SART3: variants seen among roughly 807,000 people sequenced by gnomAD.
SART3 encodes spliceosome associated factor 3, U4/U6 recycling protein.
In SART3, 44 loss-of-function variants were observed where a neutral mutation model predicts 122.3. That is an observed-to-expected ratio of 0.36 (90% CI 0.28 to 0.46). The LOEUF is 0.46. Among genes scored for constraint, SART3 ranks in the 20% least tolerant of loss-of-function variants. The pLI is 1.00. For synonymous variants in SART3, 442 were observed against 454.0 expected (o/e 0.97, Z 0.34); for missense variants, 1,101 against 1,229.0 (o/e 0.90, Z 1.56).
Position 108,551,097 on chromosome 12 carries a change from T to C in SART3, c.313-1883A>G, listed in dbSNP as rs907488781. ...CTATATGGTGAGTACAAGAAATTCA[T>C]TTCAAATTCAAAGACACAGGTAAAC... is the stretch of plus-strand genomic sequence containing the variant. On this transcript the variant is annotated intron_variant, in intron 1 of 18. Transcript: ENST00000546815. Among the ~76,000 whole-genome samples the C allele has an allele frequency of 3.9e-5, 6 of 152,166 alleles. 1 individual carries two copies. Among genetic ancestry groups the C allele is most frequent in the Non-Finnish European group, 8.8e-5 (6 of 68,026 alleles).
At chr12:108,535,750 T>C (rs1404878244) in intron 11 of SART3, among the ~76,000 whole-genome samples, 1 of 150,434 alleles carries the variant, frequency 6.6e-6, no homozygotes, top group African/African-American at 2.4e-5. Flanking sequence ...TTTTTATTTT[T>C]ATCAAGCTTA....
At chr12:108,535,626 G>C in intron 11 of SART3, 158 bp from the exon 12 acceptor site, 1 of 701,130 alleles carries the variant, frequency 1.4e-6, no homozygotes, top group Non-Finnish European at 2.6e-6. Flanking sequence ...AGTGGTAAAC[G>C]ACCCAGCCCA....
chr12:108,532,304 C>G lies in SART3; in HGVS notation c.1587G>C (p.Lys529Asn). The change falls in exon 13 of 19, where the codon AAG (lysine) becomes AAC (asparagine). Residue 529 changes from lysine to asparagine, a missense_variant. Lys to Asn is a moderately conservative substitution (Grantham distance 94). Coordinates refer to ENST00000546815, the MANE Select transcript of SART3 (RefSeq NM_014706.4). ...RAHGDTQHCR[K>N]ALHRAVQCTS... ...TGCACTGGACGGCCCGGTGCAGAGC[C>G]TTCCGGCAGTGCTGGGTGTCACCAT... The G allele has an allele frequency of 1.2e-6, 2 of 1,614,104 alleles. No individual in the cohort carries two copies. The highest frequency in any genetic ancestry group is 1.7e-6 in the Non-Finnish European group (2 of 1,180,008).
rs147699663 is a variant in SART3, at chr12:108,542,886, T to G, written c.906+142A>C. On this transcript the variant is annotated intron_variant, in intron 6 of 18. Transcript: ENST00000546815. Reference sequence around the variant, plus strand: ...AGGTACATGGATGTTCACTTTATTATTAGTATGTAAACTGTACGTATACAT... The same window carrying G: ...AGGTACATGGATGTTCACTTTATTAGTAGTATGTAAACTGTACGTATACAT... 204 of 1,139,056 alleles carry G rather than the reference T, an allele frequency of 1.8e-4. 1 individual carries two copies. Among genetic ancestry groups the G allele is most frequent in the East Asian group, 1.1e-3 (41 of 38,796 alleles). The allele number at this position is 1,139,056 out of a possible 1,614,324, so 70.6% of individuals were successfully genotyped here.
At position 108,560,988 on chromosome 12, in the gene SART3, T is replaced by C; in HGVS notation, c.167A>G (p.Asp56Gly). The C allele has an allele frequency of 1.9e-6, 3 of 1,614,150 alleles. No homozygotes were observed. In the South Asian group the frequency reaches 3.3e-5, roughly 18 times the overall value. Residue 56 changes from aspartate (D) to glycine (G), a missense_variant, in exon 1 of 19, where the codon GAT (aspartate) becomes GGT (glycine). Around this residue, in one of 2 missense-constraint regions of SART3, gnomAD observed 216 missense variants for 148.9 expected, o/e 1.45. Transcript: ENST00000546815. ...ATYKTMGPAW[D>G]QQEEGVSESD... Reference sequence around the variant, plus strand: ...CTCGCTCACGCCTTCCTCCTGCTGATCCCACGCTGGCCCCATGGTCTTGTA... The same window carrying C: ...CTCGCTCACGCCTTCCTCCTGCTGACCCCACGCTGGCCCCATGGTCTTGTA...
At chr12:108,537,683 C>T in intron 8 of SART3, 88 bp from the exon 9 acceptor site, 1 of 972,784 alleles carries the variant, frequency 1.0e-6, no homozygotes, top group Non-Finnish European at 1.6e-6. Context: ...TAAAACACTA[C>T]ATGACTTTAA....
chr12:108,526,176 T>C lies in SART3; in HGVS notation c.2293A>G (p.Met765Val). The stretch of plus-strand genomic sequence containing the variant: ...CTCCCTTCTACACTTTTCCGGTCCA[T>C]CTCCAGTGCCTGAAGGGCTGATTTC... Reference protein sequence around the residue: ...EEKSALQALEMDRKSVEGRPM... With the variant: ...EEKSALQALEVDRKSVEGRPM... The change falls in exon 16 of 19, where the codon ATG becomes GTG. Residue 765 changes from methionine (M) to valine (V), a missense_variant. By Grantham distance (21) the Met-to-Val change is conservative. Around this residue, in one of 2 missense-constraint regions of SART3, gnomAD observed 885 missense variants for 1,080.1 expected, o/e 0.82. Transcript: ENST00000546815. 1 of 1,614,220 alleles carries C rather than the reference T, an allele frequency of 6.2e-7. No individual in the cohort carries two copies. Among genetic ancestry groups the C allele is most frequent in the Non-Finnish European group, 8.5e-7 (1 of 1,180,030 alleles).
intron 14 of SART3, 116 bp from the exon 15 acceptor site, chr12:108,530,426 G>A (rs1872624774): frequency 2.5e-6 from 3 of 1,202,556 alleles, no homozygotes; most frequent in South Asian, 2.5e-5. Context: ...GCAGAGATCA[G>A]GAGAAAAACG....
chr12:108,537,185 C>T (rs1872947827), intron 9 of SART3: 2 of 434,654 alleles, frequency 4.6e-6, no homozygotes, highest in Non-Finnish European at 8.5e-6. Flanking sequence ...AAAGATTTTT[C>T]TAAAACACAG....
In SART3 at chr12:108,538,137, A is replaced by C. The variant is rs775620148; in HGVS notation, c.1129T>G (p.Trp377Gly). Residue 377 changes from tryptophan (W) to glycine (G), a missense_variant, in exon 8 of 19, where the codon TGG becomes GGG. Transcript: ENST00000546815. ...VHNRAIRNCPWTVALWSRYLL... is the reference protein window; with the variant it reads ...VHNRAIRNCPGTVALWSRYLL... ...TACCGACTCCATAAGGCAACTGTCC[A>C]GGGGCAGTTTCTAATAGCGCGGTTA... 1.1e-5 allele frequency: 18 copies of C among 1,614,172 alleles called. No individual in the cohort carries two copies. Among genetic ancestry groups the C allele is most frequent in the Non-Finnish European group, 1.5e-5 (18 of 1,179,978 alleles).
intron 17 of SART3, among the ~76,000 whole-genome samples, chr12:108,525,198 A>G (rs1872315350): frequency 6.6e-6 from 1 of 152,256 alleles, no homozygotes; most frequent in Admixed American, 6.5e-5. Flanking sequence ...CAAGCCCCAC[A>G]GCCAGGGGCC....
Position 108,526,166 on chromosome 12 carries a change from T to C in SART3, c.2303A>G (p.Lys768Arg), listed in dbSNP as rs761779463. ...SALQALEMDR[K>R]SVEGRPMFVS... The stretch of plus-strand genomic sequence containing the variant: ...AAACATTGGCCTCCCTTCTACACTT[T>C]TCCGGTCCATCTCCAGTGCCTGAAG... The change falls in exon 16 of 19, where the codon AAA becomes AGA. Residue 768 changes from lysine to arginine, a missense_variant. Lys to Arg is a conservative substitution (Grantham distance 26). Transcript: ENST00000546815. The C allele has an allele frequency of 1.9e-6, 3 of 1,614,242 alleles. No individual in the cohort carries two copies. Among genetic ancestry groups the C allele is most frequent in the Non-Finnish European group, 2.5e-6 (3 of 1,180,034 alleles).
intron 1 of SART3, among the ~76,000 whole-genome samples, chr12:108,556,205 C>T (rs2030214593): frequency 6.6e-6 from 1 of 152,134 alleles, no homozygotes; most frequent in African/African-American, 2.4e-5. Flanking sequence ...GATCCTCCCG[C>T]CTCAGCCTCT....
At chr12:108,550,741 T>C (rs1362758221) in intron 1 of SART3, among the ~76,000 whole-genome samples, 2 of 152,262 alleles carry the variant, frequency 1.3e-5, no homozygotes, top group East Asian at 3.9e-4. Context: ...CACATGCCTG[T>C]AGTCCAGCTA....
intron 1 of SART3, among the ~76,000 whole-genome samples, chr12:108,551,281 T>TA (rs564751859): frequency 4.5e-4 from 69 of 152,302 alleles, no homozygotes; most frequent in African/African-American, 1.6e-3. Context: ...TAGATCAATC[T>TA]ACCAGGAAGA....
At chr12:108,555,343 C>A (rs2030171131) in intron 1 of SART3, among the ~76,000 whole-genome samples, 1 of 152,148 alleles carries the variant, frequency 6.6e-6, no homozygotes, top group African/African-American at 2.4e-5. Context: ...ACCTCTATGG[C>A]AAAATGTTTT....
At position 108,548,319 on chromosome 12, in the gene SART3, C is replaced by T. The variant is rs147417762; in HGVS notation, c.440-328G>A. 2.6e-4 allele frequency among the ~76,000 whole-genome samples: 39 copies of T among 152,326 alleles called. 1 individual carries two copies. In the East Asian group the frequency reaches 7.5e-3, roughly 29 times the overall value. ...ACATCTATCTAAGGATGACAACATG[C>T]CAGGCATGTGTTAAGTGTTATACGT... is the stretch of plus-strand genomic sequence containing the variant. On this transcript the variant is annotated intron_variant, in intron 2 of 18. Transcript: ENST00000546815.
intron 14 of SART3, among the ~76,000 whole-genome samples, chr12:108,530,584 C>T (rs1276772719): frequency 1.3e-5 from 2 of 152,116 alleles, no homozygotes; most frequent in African/African-American, 4.8e-5. Flanking sequence ...TGGCCGGGCG[C>T]GGTGGCTCAC....
chr12:108,539,194 G>T, intron 6 of SART3, 105 bp from the exon 7 acceptor site: 1 of 1,152,868 alleles, frequency 8.7e-7, no homozygotes, highest in Non-Finnish European at 1.3e-6. Context: ...ACTATGAATC[G>T]CCAAATCCTC....
Sources: allele counts gnomAD v4.1 joint callset (sites outside exome capture counted in the v4.1 genomes callset), GRCh38; gene constraint gnomAD v4.1.1; regional missense constraint gnomAD v4.1.1; transcripts MANE v1.5; gene names NCBI Gene and HGNC (gene_info 2026-07-23, HGNC 2026-07-21).